MGST1: variants seen among roughly 807,000 people sequenced by gnomAD.
MGST1 encodes microsomal glutathione S-transferase 1, also known as glutathione S-transferase 12.
In MGST1, 5 loss-of-function variants were observed where a neutral mutation model predicts 8.9. The ratio of observed to expected loss-of-function variants is 0.56; its 90% CI spans 0.29 to 1.19. MGST1 has a LOEUF of 1.19. Ranked by LOEUF, MGST1 falls within the 50% of genes most tolerant of loss-of-function variation. The pLI, the probability that MGST1 is intolerant of heterozygous loss-of-function variation, is 0.08. For synonymous variants in MGST1, 54 were observed against 67.8 expected, an observed-to-expected ratio of 0.80 and a Z score of 1.00; for missense variants, 182 against 187.4, an observed-to-expected ratio of 0.97 and a Z score of 0.17.
chr12:16,521,695 C>A (rs373732313), intron 4 of MGST1, among the ~76,000 whole-genome samples: 2 of 151,914 alleles, frequency 1.3e-5, no homozygotes, highest in East Asian at 1.9e-4. Context: ...TTCCCTTTGA[C>A]GATGAGAATT....
chr12:16,542,177 A>C (rs186143090), intron 4 of MGST1, among the ~76,000 whole-genome samples: 8 of 152,326 alleles, frequency 5.3e-5, no homozygotes, highest in African/African-American at 1.9e-4. Flanking sequence ...CCATTGATTA[A>C]TTTTCATCAA....
rs1019439132 is a variant in MGST1 at position 16,587,355 on chromosome 12, A to G, written n.483-2173A>G. On this transcript the variant is annotated intron_variant and non_coding_transcript_variant, in intron 4 of 4. Coordinates refer to the MGST1 transcript ENST00000538857. The surrounding 1 kb of genome is among the most constrained non-coding windows in gnomAD (Gnocchi z 4.3). ...GTAAGTAACTGTTTAAAAATTCCAA[A>G]GCATTCTTAAAACGTTTCACTTAAA... Among the ~76,000 whole-genome samples the G allele has an allele frequency of 1.3e-5, 2 of 152,198 alleles. No individual in the cohort carries two copies. The highest frequency in any genetic ancestry group is 4.8e-5 in the African/African-American group (2 of 41,464).
chr12:16,468,087 A>C (rs1941266418), intron 4 of MGST1, among the ~76,000 whole-genome samples: 1 of 152,222 alleles, frequency 6.6e-6, no homozygotes, highest in Non-Finnish European at 1.5e-5. Flanking sequence ...TTTTCAGTTA[A>C]GGGTGCAGCA....
intron 4 of MGST1, among the ~76,000 whole-genome samples, chr12:16,523,094 C>G (rs1941659215): frequency 6.6e-6 from 1 of 151,744 alleles, no homozygotes; most frequent in Admixed American, 6.6e-5. Context: ...AAGATATTGA[C>G]AGAATGTACT....
intron 1 of MGST1, among the ~76,000 whole-genome samples, chr12:16,394,904 T>C (rs1242449610): frequency 6.6e-6 from 1 of 152,064 alleles, no homozygotes; most frequent in Non-Finnish European, 1.5e-5. Flanking sequence ...GCCTTATTCA[T>C]GATTTTCTTA....
At chr12:16,526,831 A>G (rs529623956) in intron 4 of MGST1, among the ~76,000 whole-genome samples, 1 of 151,972 alleles carries the variant, frequency 6.6e-6, no homozygotes, top group Admixed American at 6.6e-5. Context: ...GTGAGTCATG[A>G]TGGCTGTAAT....
At chr12:16,473,743 C>G (rs980455888) in intron 4 of MGST1, among the ~76,000 whole-genome samples, 1 of 151,982 alleles carries the variant, frequency 6.6e-6, no homozygotes, top group Non-Finnish European at 1.5e-5. Context: ...TGGCCGTGTG[C>G]GACAGCTCAC....
At chr12:16,452,140 C>G (rs1591732838) in intron 4 of MGST1, among the ~76,000 whole-genome samples, 3 of 151,706 alleles carry the variant, frequency 2.0e-5, no homozygotes, top group African/African-American at 7.3e-5. Flanking sequence ...TAAACGTGGG[C>G]AGTGTATAAA....
intron 4 of MGST1, among the ~76,000 whole-genome samples, chr12:16,526,268 A>T (rs1221074253): frequency 2.0e-5 from 3 of 152,002 alleles, no homozygotes; most frequent in Admixed American, 6.6e-5. Flanking sequence ...TAGGGTTTTT[A>T]GGAACCCATT....
rs1943357230 is a variant in MGST1, at chr12:16,587,491, CA to C, written n.483-2034del. On this transcript the variant is annotated intron_variant and non_coding_transcript_variant, in intron 4 of 4. Transcript: ENST00000538857. The surrounding 1 kb of genome is among the most constrained non-coding windows in gnomAD (Gnocchi z 4.3). Reference sequence around the variant, plus strand: ...TTTCTTTTACTTTGCCTACTACTAGCAAATAAACTGTGCCTCTTTTTTAAAT... The same window carrying C: ...TTTCTTTTACTTTGCCTACTACTAGCAATAAACTGTGCCTCTTTTTTAAAT... Among the ~76,000 whole-genome samples, 1 of 152,074 alleles carries C rather than the reference CA, an allele frequency of 6.6e-6. No individual in the cohort carries two copies. The highest frequency in any genetic ancestry group is 2.4e-5 in the African/African-American group (1 of 41,412).
At chr12:16,462,263 A>G (rs1199667399) in intron 4 of MGST1, among the ~76,000 whole-genome samples, 4 of 152,170 alleles carry the variant, frequency 2.6e-5, no homozygotes, top group African/African-American at 9.6e-5. Flanking sequence ...TTAAACTTCC[A>G]ACCAACCTTC....
chr12:16,519,267 A>G (rs1591750416), intron 4 of MGST1, among the ~76,000 whole-genome samples: 1 of 152,228 alleles, frequency 6.6e-6, no homozygotes, highest in East Asian at 1.9e-4. Flanking sequence ...ATTGACTTAT[A>G]ACTACCATTT....
chr12:16,469,050 A>T (rs968290495), intron 4 of MGST1, among the ~76,000 whole-genome samples: 1 of 152,126 alleles, frequency 6.6e-6, no homozygotes, highest in Admixed American at 6.5e-5. Context: ...CCTCCCACCT[A>T]TTCCTGCACT....
Position 16,413,173 on chromosome 12 carries a change from T to TA in MGST1, n.779-24214dup, listed in dbSNP as rs1241199625. ...AGCAAATTAGCATCAAGAGAACCAC[T>TA]ATCACTGACTTTCTCGAGCCCTATT... On this transcript the variant is annotated intron_variant and non_coding_transcript_variant, in intron 1 of 1. Transcript: ENST00000359720. The surrounding 1 kb of genome is among the most constrained non-coding windows in gnomAD (Gnocchi z 4.0). Among the ~76,000 whole-genome samples, 3 of 152,142 alleles carry TA rather than the reference T, an allele frequency of 2.0e-5. No individual in the cohort carries two copies. Among genetic ancestry groups the TA allele is most frequent in the African/African-American group, 7.2e-5 (3 of 41,430 alleles).
Position 16,544,254 on chromosome 12 carries a change from ACACACACAC to A in MGST1, n.483-45273_483-45265del, listed in dbSNP as rs1310646911. Among the ~76,000 whole-genome samples, 2 of 151,228 alleles carry A rather than the reference ACACACACAC, an allele frequency of 1.3e-5. No individual in the cohort carries two copies. The highest frequency in any genetic ancestry group is 4.9e-5 in the African/African-American group (2 of 41,220). ...CACACACACACACACACACACACAC[ACACACACAC>A]AAAACATAACCTACTAGTCAATCTG... On this transcript the variant is annotated intron_variant and non_coding_transcript_variant, in intron 4 of 4. Transcript: ENST00000538857. This position sits in a 1 kb window ranked among gnomAD's most constrained non-coding sequence, Gnocchi z 4.8.
intron 4 of MGST1, among the ~76,000 whole-genome samples, chr12:16,524,729 A>G (rs1941671322): frequency 6.6e-6 from 1 of 152,188 alleles, no homozygotes; most frequent in South Asian, 2.1e-4. Context: ...TATATTTTGT[A>G]CTTATTGTAC....
At chr12:16,358,329 A>G (rs951263226) in intron 3 of MGST1, among the ~76,000 whole-genome samples, 1 of 152,002 alleles carries the variant, frequency 6.6e-6, no homozygotes, top group Non-Finnish European at 1.5e-5. Flanking sequence ...TATTGTTGCT[A>G]TCTTTGTGTT....
chr12:16,486,719 G>A (rs80173638), intron 4 of MGST1, among the ~76,000 whole-genome samples: 30 of 152,262 alleles, frequency 2.0e-4, no homozygotes, highest in African/African-American at 6.3e-4. Flanking sequence ...TGCTTAATAC[G>A]ATCAGTCCTG....
chr12:16,452,582 T>G (rs2137114516), intron 4 of MGST1, among the ~76,000 whole-genome samples: 1 of 151,936 alleles, frequency 6.6e-6, no homozygotes, highest in South Asian at 2.1e-4. Flanking sequence ...TACTCGAAAC[T>G]ATGTTCCAAG....
Sources: gnomAD v4.1 joint callset for allele counts (sites outside exome capture counted in the v4.1 genomes callset) on GRCh38, gnomAD v4.1.1 for gene constraint, Gnocchi (gnomAD v3.1) non-coding constraint, MANE v1.5 for transcripts, NCBI Gene and HGNC (gene_info 2026-07-23, HGNC 2026-07-21) for gene names.